Variants in CRYL1 observed in about 807,000 individuals in gnomAD.
CRYL1 encodes the protein crystallin lambda 1, also known as lambda-crystallin homolog.
A neutral mutation model predicts 36.6 loss-of-function variants in CRYL1; 29 were observed. That is an observed-to-expected ratio of 0.79 (90% CI 0.59 to 1.08). CRYL1 has a LOEUF of 1.08. CRYL1 is among the 50% of genes least tolerant of loss of function. The pLI, the probability that CRYL1 is intolerant of heterozygous loss-of-function variation, is 0.00. For missense variants in CRYL1, 411 were observed against 407.9 expected (o/e 1.01, Z -0.06); for synonymous variants, 152 against 151.5 (o/e 1.00, Z -0.02).
At chr13:20,499,525 C>T (rs1042218322) in intron 2 of CRYL1, among the ~76,000 whole-genome samples, 13 of 151,234 alleles carry the variant, frequency 8.6e-5, no homozygotes, top group South Asian at 2.1e-4. Flanking sequence ...TGGTGGCAGG[C>T]GCCTGTAGTC....
At chr13:20,459,148 A>C (rs1371732545) in intron 3 of CRYL1, among the ~76,000 whole-genome samples, 1 of 146,876 alleles carries the variant, frequency 6.8e-6, no homozygotes, top group Non-Finnish European at 1.5e-5. Flanking sequence ...AGGCAGGAGA[A>C]TGGCGTGATC....
chr13:20,445,372 T>C (rs992154255), intron 3 of CRYL1, among the ~76,000 whole-genome samples: 1 of 152,166 alleles, frequency 6.6e-6, no homozygotes, highest in Admixed American at 6.5e-5. Flanking sequence ...AGGCTTCCAG[T>C]TGGAACCCTC....
chr13:20,517,964 TAG>T (rs2034032626), intron 1 of CRYL1, among the ~76,000 whole-genome samples: 1 of 143,148 alleles, frequency 7.0e-6, no homozygotes, highest in Non-Finnish European at 1.5e-5. Context: ...AAAGCAATGC[TAG>T]TGAGCAGTAT....
rs576769646 is a variant in CRYL1, at chr13:20,516,420, C to T, written c.42-3870G>A. Among the ~76,000 whole-genome samples, 46 of 152,148 alleles carry T rather than the reference C, an allele frequency of 3.0e-4. No individual in the cohort carries two copies. In the South Asian group the frequency reaches 8.1e-3, roughly 27 times the overall value. On this transcript the variant is annotated intron_variant, in intron 1 of 7. Coordinates refer to ENST00000298248, the MANE Select transcript of CRYL1 (RefSeq NM_015974.3). ...TTTGTAACATTTCAATCTCAGTTTC[C>T]CTGGCCCCTCTTCAAGCCTCAGCAC...
intron 3 of CRYL1, among the ~76,000 whole-genome samples, chr13:20,467,817 G>T (rs139795366): frequency 6.6e-6 from 1 of 152,294 alleles, no homozygotes; most frequent in African/African-American, 2.4e-5. Context: ...ACAGGGGTCT[G>T]CAACGCCCGG....
intron 3 of CRYL1, among the ~76,000 whole-genome samples, chr13:20,441,274 G>A (rs543487772): frequency 8.5e-5 from 13 of 152,270 alleles, no homozygotes; most frequent in South Asian, 2.1e-4. Flanking sequence ...CTTCCATCCC[G>A]GACCTGCTGA....
At chr13:20,491,230 A>G (rs2872488) in intron 2 of CRYL1, among the ~76,000 whole-genome samples, 80,652 of 151,926 alleles carry the variant, frequency 0.53, 21,957 homozygotes, top group Non-Finnish European at 0.59. Context: ...AAAGGAAGGA[A>G]AGAATCTTTG....
intron 3 of CRYL1, among the ~76,000 whole-genome samples, chr13:20,447,766 C>T (rs2032487683): frequency 6.6e-6 from 1 of 152,108 alleles, no homozygotes; most frequent in Non-Finnish European, 1.5e-5. Flanking sequence ...TAAGGATAAC[C>T]ATAACAACTG....
In CRYL1 at chr13:20,404,146, G is replaced by T. The variant is rs750928337; in HGVS notation, c.943C>A (p.Gln315Lys). Residue 315 changes from glutamine to lysine, a missense_variant, in exon 8 of 8, where the codon CAA becomes AAA. Coordinates refer to ENST00000298248, the MANE Select transcript of CRYL1 (RefSeq NM_015974.3). Reference protein sequence around the residue: ...CLMRLAKLKSQVQPQ With the variant: ...CLMRLAKLKSKVQPQ ...CAAGAAATTCACTGGGGCTGCACTT[G>T]ACTCTTCAACTTGGCGAGTCTCATG... 8 of 1,613,244 alleles carry T rather than the reference G, an allele frequency of 5.0e-6. No homozygotes were observed. Among genetic ancestry groups the T allele is most frequent in the Non-Finnish European group, 6.8e-6 (8 of 1,179,374 alleles).
At chr13:20,468,827 G>A (rs749345775) in intron 3 of CRYL1, among the ~76,000 whole-genome samples, 25 of 152,018 alleles carry the variant, frequency 1.6e-4, no homozygotes, top group Admixed American at 1.4e-3. Context: ...GGCTGGTGTC[G>A]AACTCCTGAC....
intron 3 of CRYL1, among the ~76,000 whole-genome samples, chr13:20,466,670 C>T (rs2032939006): frequency 8.3e-6 from 1 of 120,896 alleles, no homozygotes; most frequent in Admixed American, 8.5e-5. Context: ...TGGTATATTA[C>T]TTTGGAAAAC....
chr13:20,487,086 G>C (rs1184933616), intron 3 of CRYL1, among the ~76,000 whole-genome samples: 1 of 152,116 alleles, frequency 6.6e-6, no homozygotes, highest in Non-Finnish European at 1.5e-5. Flanking sequence ...AATTCAGTTA[G>C]GGTAGTTTTG....
chr13:20,454,143 A>T (rs942509457), intron 3 of CRYL1, among the ~76,000 whole-genome samples: 3 of 152,202 alleles, frequency 2.0e-5, no homozygotes, highest in Non-Finnish European at 4.4e-5. Context: ...CATTCTATGA[A>T]GGCAGAATCA....
At chr13:20,511,877 A>G (rs1212317607) in intron 2 of CRYL1, among the ~76,000 whole-genome samples, 4 of 152,216 alleles carry the variant, frequency 2.6e-5, no homozygotes, top group Non-Finnish European at 4.4e-5. Context: ...CTTAGCACTC[A>G]GCATTAAGTA....
In CRYL1 at chr13:20,484,085, G is replaced by A. The variant is rs56717965; in HGVS notation, c.276+5285C>T. ...CCCGCCTTGGCCTCCCAAAGTGCTG[G>A]GATTACAGGCGTGAGCCACCGCGCC... On this transcript the variant is annotated intron_variant, in intron 3 of 7. Transcript: ENST00000298248. 4.0e-3 allele frequency among the ~76,000 whole-genome samples: 608 copies of A among 152,274 alleles called. 2 individuals are homozygous for A. Among genetic ancestry groups the A allele is most frequent in the African/African-American group, 0.014 (578 of 41,556 alleles).
At chr13:20,485,920 T>C (rs1028445942) in intron 3 of CRYL1, among the ~76,000 whole-genome samples, 4 of 151,944 alleles carry the variant, frequency 2.6e-5, no homozygotes, top group South Asian at 2.1e-4. Flanking sequence ...ATATTTTGTT[T>C]GTTTGTTTGT....
intron 2 of CRYL1, among the ~76,000 whole-genome samples, chr13:20,491,594 C>A (rs2033513961): frequency 1.3e-5 from 2 of 152,146 alleles, no homozygotes; most frequent in Admixed American, 6.5e-5. Flanking sequence ...AGTTTGAGAC[C>A]AGCCTGGGCA....
At chr13:20,479,141 G>T (rs981611530) in intron 3 of CRYL1, among the ~76,000 whole-genome samples, 3 of 152,132 alleles carry the variant, frequency 2.0e-5, no homozygotes, top group Non-Finnish European at 4.4e-5. Flanking sequence ...GAAATTTAGG[G>T]TTAAAACTAT....
intron 2 of CRYL1, among the ~76,000 whole-genome samples, chr13:20,511,735 G>T (rs561372808): frequency 1.3e-5 from 2 of 152,334 alleles, no homozygotes; most frequent in African/African-American, 4.8e-5. Flanking sequence ...GCCATGCGGT[G>T]AGGGTGCTCC....
Sources: gnomAD v4.1 joint callset for allele counts (sites outside exome capture counted in the v4.1 genomes callset) on GRCh38, gnomAD v4.1.1 for gene constraint, MANE v1.5 for transcripts, NCBI Gene and HGNC (gene_info 2026-07-23, HGNC 2026-07-21) for gene names.